Variants in R3HDM2 observed in about 807,000 individuals in gnomAD.
R3HDM2 encodes R3H domain-containing protein 2.
Under a neutral mutation model 124.5 loss-of-function variants are expected in R3HDM2, and 38 were observed. That is an observed-to-expected ratio of 0.31 (90% CI 0.24 to 0.40). The LOEUF (loss-of-function observed/expected upper bound fraction) is 0.40, where lower values mean the gene tolerates loss of function less well. Ranked by LOEUF, R3HDM2 falls within the 10% of genes least tolerant of loss-of-function variation. R3HDM2 has a pLI of 1.00. For missense variants in R3HDM2, 869 were observed against 1,236.9 expected, an observed-to-expected ratio of 0.70 and a Z score of 4.46; for synonymous variants, 391 against 448.0, an observed-to-expected ratio of 0.87 and a Z score of 1.61.
At chr12:57,360,049 T>TATATATATA in intron 2 of R3HDM2, among the ~76,000 whole-genome samples, 1 of 52,712 alleles carries the variant, frequency 1.9e-5, no homozygotes, top group Non-Finnish European at 3.8e-5. Context: ...ATATATATAT[T>TATATATATA]TTTTTTTTTT....
At chr12:57,394,426 T>C (rs2067189384) in intron 2 of R3HDM2, among the ~76,000 whole-genome samples, 1 of 152,122 alleles carries the variant, frequency 6.6e-6, no homozygotes, top group Admixed American at 6.6e-5. Flanking sequence ...CTGGCCAACA[T>C]GGCGAAACCC....
intron 2 of R3HDM2, among the ~76,000 whole-genome samples, chr12:57,374,913 G>GT (rs2138093874): frequency 6.9e-6 from 1 of 145,348 alleles, no homozygotes; most frequent in African/African-American, 2.5e-5. Flanking sequence ...GGAGAATGGC[G>GT]TGAACCCGGG....
intron 1 of R3HDM2, among the ~76,000 whole-genome samples, chr12:57,410,318 T>TAAA (rs56412130): frequency 7.3e-4 from 73 of 100,120 alleles, no homozygotes; most frequent in Admixed American, 3.7e-3. Flanking sequence ...AGTATAACCT[T>TAAA]AAAAAAAAAA....
In R3HDM2 at chr12:57,280,466, A is replaced by G; in HGVS notation, c.1236T>C (p.Leu412=). 1.9e-6 allele frequency: 3 copies of G among 1,614,006 alleles called. No homozygotes were observed. Among genetic ancestry groups the G allele is most frequent in the Non-Finnish European group, 2.5e-6 (3 of 1,179,918 alleles). ...GTTGCTGCTGGGCAGTACAAGGGAG[A>G]AGCCCCCGGACAGACTGGGATGAGG... ...QVTSSQSVRG[L]LPCTAQQQQQ... is the part of the protein sequence containing the mutation. The change falls in exon 14 of 24, where the codon CTT becomes CTC. Residue 412 remains leucine (L), a synonymous_variant. Transcript: ENST00000402412.
chr12:57,357,971 C>A (rs2061478061), intron 2 of R3HDM2, among the ~76,000 whole-genome samples: 2 of 150,694 alleles, frequency 1.3e-5, no homozygotes, highest in African/African-American at 4.9e-5. Flanking sequence ...TTATGTTACT[C>A]ATTTCTTTTT....
chr12:57,336,846 G>A (rs2058913755), intron 2 of R3HDM2, among the ~76,000 whole-genome samples: 2 of 150,822 alleles, frequency 1.3e-5, no homozygotes, highest in Admixed American at 1.3e-4. Flanking sequence ...AAGAGGCTAT[G>A]GAATAGAACA....
chr12:57,294,006 C>T (rs2049187588), intron 10 of R3HDM2, among the ~76,000 whole-genome samples: 1 of 152,160 alleles, frequency 6.6e-6, no homozygotes, highest in Non-Finnish European at 1.5e-5. Context: ...GCTCTGCCAC[C>T]TCCCAGTAAT....
At chr12:57,345,544 C>T (rs865925501) in intron 2 of R3HDM2, among the ~76,000 whole-genome samples, 29 of 121,806 alleles carry the variant, frequency 2.4e-4, no homozygotes, top group Non-Finnish European at 4.2e-4. Context: ...CACACACACA[C>T]ATATATTAAG....
intron 2 of R3HDM2, among the ~76,000 whole-genome samples, chr12:57,314,102 C>T (rs1027673907): frequency 2.0e-5 from 3 of 151,626 alleles, no homozygotes; most frequent in African/African-American, 7.3e-5. Context: ...ACAGGAGAAT[C>T]ACTTGAACCA....
At chr12:57,313,772 T>C (rs1024399497) in intron 2 of R3HDM2, among the ~76,000 whole-genome samples, 2 of 149,054 alleles carry the variant, frequency 1.3e-5, no homozygotes, top group Non-Finnish European at 3.0e-5. Context: ...TCCCAGCTAC[T>C]CGGGAGGCTG....
At chr12:57,371,083 C>CGTTTTTTTTT (rs2063312149) in intron 2 of R3HDM2, among the ~76,000 whole-genome samples, 1 of 40,886 alleles carries the variant, frequency 2.4e-5, no homozygotes, top group African/African-American at 8.6e-5. Context: ...TATACCATTA[C>CGTTTTTTTTT]TTTTTTTTTT....
At chr12:57,279,251 C>T (rs942486372) in intron 14 of R3HDM2, among the ~76,000 whole-genome samples, 3 of 148,038 alleles carry the variant, frequency 2.0e-5, no homozygotes, top group African/African-American at 5.0e-5. Flanking sequence ...GGCGCGATCT[C>T]GGCTCGCCGC....
intron 13 of R3HDM2, 31 bp downstream of exon 13, chr12:57,283,793 G>T: frequency 6.3e-7 from 1 of 1,594,886 alleles, no homozygotes; most frequent in Non-Finnish European, 8.6e-7. Flanking sequence ...GAAGGGATGG[G>T]TATGACATGG....
At chr12:57,273,803 C>T (rs1304442834) in intron 14 of R3HDM2, among the ~76,000 whole-genome samples, 1 of 152,182 alleles carries the variant, frequency 6.6e-6, no homozygotes, top group African/African-American at 2.4e-5. Flanking sequence ...TATCAATATC[C>T]TCTCCTGCCA....
chr12:57,281,375 C>A (rs1253700743), intron 13 of R3HDM2, among the ~76,000 whole-genome samples: 2 of 152,078 alleles, frequency 1.3e-5, no homozygotes, highest in Non-Finnish European at 2.9e-5. Flanking sequence ...TCTAGGCTCT[C>A]CAAGGCATGA....
At chr12:57,390,987 G>A (rs2066592032) in intron 2 of R3HDM2, among the ~76,000 whole-genome samples, 1 of 150,412 alleles carries the variant, frequency 6.6e-6, no homozygotes, top group African/African-American at 2.4e-5. Context: ...ACTCCAGCCT[G>A]GGCAACAACA....
chr12:57,421,159 T>G (rs1387496045), intron 1 of R3HDM2, among the ~76,000 whole-genome samples: 1 of 128,836 alleles, frequency 7.8e-6, no homozygotes, highest in Non-Finnish European at 1.7e-5. Context: ...GTCTAACAGA[T>G]TCTTTTTTTT....
intron 2 of R3HDM2, among the ~76,000 whole-genome samples, chr12:57,392,789 C>G (rs937678768): frequency 2.0e-5 from 3 of 147,630 alleles, no homozygotes; most frequent in Non-Finnish European, 3.0e-5. Context: ...CCCAGCAGTT[C>G]AATTCTATAG....
At chr12:57,365,227 G>A (rs897655683) in intron 2 of R3HDM2, among the ~76,000 whole-genome samples, 9 of 150,706 alleles carry the variant, frequency 6.0e-5, no homozygotes, top group African/African-American at 2.0e-4. Context: ...TCATGCCACT[G>A]CACTCCAGCC....
Sources: allele counts gnomAD v4.1 joint callset (sites outside exome capture counted in the v4.1 genomes callset), GRCh38; gene constraint gnomAD v4.1.1; transcripts MANE v1.5; gene names NCBI Gene and HGNC (gene_info 2026-07-23, HGNC 2026-07-21).